Variants in MIA3 observed in about 807,000 individuals in gnomAD.
The protein encoded by MIA3 is MIA SH3 domain ER export factor 3.
In MIA3, 90 loss-of-function variants were observed where a neutral mutation model predicts 192.4. The observed-to-expected ratio is 0.47, with a 90% CI of 0.39 to 0.56. MIA3 has a LOEUF of 0.56. Among genes scored for constraint, MIA3 ranks in the 20% least tolerant of loss-of-function variants. MIA3 has a pLI of 0.00. For synonymous variants in MIA3, 740 were observed against 792.8 expected (o/e 0.93, Z 1.12); for missense variants, 2,123 against 2,269.4 (o/e 0.94, Z 1.31).
At chr1:222,656,136 A>T (rs1663715059) in intron 18 of MIA3, among the ~76,000 whole-genome samples, 1 of 150,726 alleles carries the variant, frequency 6.6e-6, no homozygotes, top group East Asian at 1.9e-4. Context: ...TGCCCGGCTA[A>T]TTTTTTTTGT....
At chr1:222,644,014 G>A (rs1215460617) in intron 6 of MIA3, among the ~76,000 whole-genome samples, 1 of 152,206 alleles carries the variant, frequency 6.6e-6, no homozygotes, top group African/African-American at 2.4e-5. Flanking sequence ...GTGACAGGAA[G>A]GGCCAGCTCC....
chr1:222,621,171 G>A lies in MIA3; in HGVS notation c.146G>A (p.Arg49His), dbSNP rs558711082. 2.5e-5 allele frequency: 40 copies of A among 1,612,036 alleles called. No homozygotes were observed. Among genetic ancestry groups the A allele is most frequent in the Admixed American group, 1.0e-4 (6 of 59,528 alleles). The change falls in exon 2 of 28, where the codon CGC (arginine) becomes CAC (histidine). Residue 49 changes from arginine (R) to histidine (H), a missense_variant. Arg to His is a conservative substitution (Grantham distance 29). Transcript: ENST00000344922. ...ADDECSMLMY[R>H]GEALEDFTGP... ...TCTTTATATACAGTGTTAATGTACCGCGGTGAGGCTCTTGAAGATTTCACA... is the reference window on the plus strand; with the variant it reads ...TCTTTATATACAGTGTTAATGTACCACGGTGAGGCTCTTGAAGATTTCACA...
chr1:222,656,902 G>A (rs1558194859), intron 18 of MIA3, among the ~76,000 whole-genome samples: 2 of 152,148 alleles, frequency 1.3e-5, no homozygotes, highest in African/African-American at 4.8e-5. Context: ...CTAATCCTCT[G>A]CTGAAATGTG....
At chr1:222,644,110 C>G (rs1662997724) in intron 6 of MIA3, among the ~76,000 whole-genome samples, 1 of 152,236 alleles carries the variant, frequency 6.6e-6, no homozygotes. Flanking sequence ...CCTCATTACT[C>G]TGGGGCTCTT....
Position 222,632,241 on chromosome 1 carries a change from C to T in MIA3, c.3246C>T (p.Pro1082=). The change falls in exon 5 of 28, where the codon CCC becomes CCT. Residue 1082 remains proline, a synonymous_variant. Coordinates refer to ENST00000344922, the MANE Select transcript of MIA3 (RefSeq NM_198551.4). ...AELNVQVPEE[P]THLDQRVIGD... ...TTAATGTGCAGGTTCCTGAAGAACC[C>T]ACCCACTTGGACCAACGTGTGATTG... is the stretch of plus-strand genomic sequence containing the variant. 1 of 1,614,124 alleles carries T rather than the reference C, an allele frequency of 6.2e-7. No homozygotes were observed. The highest frequency in any genetic ancestry group is 8.5e-7 in the Non-Finnish European group (1 of 1,179,988).
chr1:222,665,073 C>T, intron 27 of MIA3: 2 of 519,740 alleles, frequency 3.8e-6, no homozygotes, highest in Non-Finnish European at 6.9e-6. Flanking sequence ...GTGGCGTGCA[C>T]CTGTAGTCCC....
In MIA3 at chr1:222,652,322, A is replaced by G. The variant is rs773140171; in HGVS notation, c.4076A>G (p.Lys1359Arg). Residue 1359 changes from lysine (K) to arginine (R), a missense_variant, in exon 13 of 28, where the codon AAA (lysine) becomes AGA (arginine). Physicochemically the swap from Lys to Arg is conservative, Grantham distance 26. Coordinates refer to ENST00000344922, the MANE Select transcript of MIA3 (RefSeq NM_198551.4). Reference protein sequence around the residue: ...VQEENARLKKKKEQLQQEIED... With the variant: ...VQEENARLKKRKEQLQQEIED... ...GAAGAAAATGCTAGGCTTAAGAAGA[A>G]AAAAGAGCAGGTAAAGGAAAGTGCG... 6.2e-7 allele frequency: 1 copy of G among 1,612,092 alleles called. No homozygotes were observed.
chr1:222,625,748 T>A (rs1376920053), intron 3 of MIA3, among the ~76,000 whole-genome samples: 1 of 152,150 alleles, frequency 6.6e-6, no homozygotes, highest in Non-Finnish European at 1.5e-5. Context: ...CTGATTATTA[T>A]TTTTTTGAGA....
chr1:222,662,689 C>T (rs899155925), intron 26 of MIA3, among the ~76,000 whole-genome samples: 1 of 152,132 alleles, frequency 6.6e-6, no homozygotes, highest in Non-Finnish European at 1.5e-5. Context: ...TGTAGAGCAT[C>T]TGCTGTAACT....
At position 222,628,419 on chromosome 1, in the gene MIA3, C is replaced by A. The variant is rs199626793; in HGVS notation, c.1199C>A (p.Thr400Lys). The A allele has an allele frequency of 4.3e-6, 7 of 1,613,802 alleles. No individual in the cohort carries two copies. Among genetic ancestry groups the A allele is most frequent in the Non-Finnish European group, 5.9e-6 (7 of 1,179,934 alleles). The change falls in exon 4 of 28, where the codon ACG (threonine) becomes AAG (lysine). Residue 400 changes from threonine (T) to lysine (K), a missense_variant. By Grantham distance (78) the Thr-to-Lys change is moderately conservative. Coordinates refer to ENST00000344922, the MANE Select transcript of MIA3 (RefSeq NM_198551.4). ...ACAGGAGGTGAAGAAACAAGAGATA[C>A]GATGGATTTAGAGAGCTCTAGTTCA... ...IVTGGEETRD[T>K]MDLESSSSEE... is the part of the protein sequence containing the mutation.
In MIA3 at chr1:222,632,316, C is replaced by G; in HGVS notation, c.3321C>G (p.Asp1107Glu). 6.2e-7 allele frequency: 1 copy of G among 1,612,572 alleles called. No individual in the cohort carries two copies. Among genetic ancestry groups the G allele is most frequent in the Non-Finnish European group, 8.5e-7 (1 of 1,179,504 alleles). Residue 1107 changes from aspartate (D) to glutamate (E), a missense_variant, in exon 5 of 28, where the codon GAC becomes GAG. By Grantham distance (45) the Asp-to-Glu change is conservative. Transcript: ENST00000344922. ...EVSQKPNTEK[D>E]LDPGPVTTED... is the part of the protein sequence containing the mutation. ...CACAGAAGCCAAATACTGAGAAAGA[C>G]CTGGACCCAGGTAAAGCCTGCTAAT...
At chr1:222,636,141 AT>A (rs1313434393) in intron 6 of MIA3, among the ~76,000 whole-genome samples, 1 of 152,214 alleles carries the variant, frequency 6.6e-6, no homozygotes, top group African/African-American at 2.4e-5. Flanking sequence ...TGAAACTTCC[AT>A]TTGACCACAC....
rs1274810172 is a variant in MIA3, at chr1:222,654,747, G to A, written c.4561G>A (p.Glu1521Lys). The change falls in exon 18 of 28, where the codon GAG becomes AAG. Residue 1521 changes from glutamate (E) to lysine (K), a missense_variant. Physicochemically the swap from Glu to Lys is moderately conservative, Grantham distance 56. Around this residue, in one of 3 missense-constraint regions of MIA3, gnomAD observed 762 missense variants for 856.4 expected, o/e 0.89. Transcript: ENST00000344922. Reference sequence around the variant, plus strand: ...ATGCAAAACCTTGAGGCAGAAAGTGGAGATTCTGAATGAGCTCTATCAGCA... The same window carrying A: ...ATGCAAAACCTTGAGGCAGAAAGTGAAGATTCTGAATGAGCTCTATCAGCA... ...DECKTLRQKVEILNELYQQKE... is the reference protein window; with the variant it reads ...DECKTLRQKVKILNELYQQKE... 1 of 1,614,148 alleles carries A rather than the reference G, an allele frequency of 6.2e-7. No homozygotes were observed. The highest frequency in any genetic ancestry group is 2.2e-5 in the East Asian group (1 of 44,874).
At position 222,620,580 on chromosome 1, in the gene MIA3, A is replaced by G. The variant is rs553186645; in HGVS notation, c.134-579A>G. Among the ~76,000 whole-genome samples, 343 of 152,356 alleles carry G rather than the reference A, an allele frequency of 2.3e-3. 4 individuals carry two copies. The highest frequency in any genetic ancestry group is 1.2e-3 in the Non-Finnish European group (84 of 68,028). ...CATTAATTTATCCAGACACTGTACTAAGGGAACAACTTGGCTGCAAATGAA... is the reference window on the plus strand; with the variant it reads ...CATTAATTTATCCAGACACTGTACTGAGGGAACAACTTGGCTGCAAATGAA... On this transcript the variant is annotated intron_variant, in intron 1 of 27. Coordinates refer to ENST00000344922, the MANE Select transcript of MIA3 (RefSeq NM_198551.4).
At chr1:222,619,053 CCTCTT>C (rs1473632854) in intron 1 of MIA3, among the ~76,000 whole-genome samples, 1 of 152,202 alleles carries the variant, frequency 6.6e-6, no homozygotes, top group Non-Finnish European at 1.5e-5. Flanking sequence ...CCGGCAGCCT[CCTCTT>C]CTGTGCGCAG....
In MIA3 at chr1:222,621,172, C is replaced by T. The variant is rs570498947; in HGVS notation, c.147C>T (p.Arg49=). The change falls in exon 2 of 28, where the codon CGC becomes CGT. Residue 49 remains arginine, a synonymous_variant. Coordinates refer to ENST00000344922, the MANE Select transcript of MIA3 (RefSeq NM_198551.4). ...CTTTATATACAGTGTTAATGTACCG[C>T]GGTGAGGCTCTTGAAGATTTCACAG... ...ADDECSMLMY[R]GEALEDFTGP... 33 of 1,612,186 alleles carry T rather than the reference C, an allele frequency of 2.0e-5. No individual in the cohort carries two copies. In the East Asian group the frequency reaches 4.0e-4, roughly 20 times the overall value.
chr1:222,661,828 A>G (rs1276625814), intron 24 of MIA3, among the ~76,000 whole-genome samples: 2 of 152,342 alleles, frequency 1.3e-5, no homozygotes, highest in Admixed American at 6.5e-5. Flanking sequence ...AGCTTGAAGT[A>G]TAGAACCAGA....
At chr1:222,650,268 C>T (rs749133780) in intron 8 of MIA3, 24 bp from the exon 9 acceptor site, 12 of 1,347,728 alleles carry the variant, frequency 8.9e-6, no homozygotes, top group Non-Finnish European at 1.2e-5. Context: ...TCATAATAAC[C>T]TTATTATTTT....
chr1:222,629,924 G>A lies in MIA3; in HGVS notation c.2704G>A (p.Asp902Asn). 1.2e-6 allele frequency: 2 copies of A among 1,614,096 alleles called. No individual in the cohort carries two copies. The highest frequency in any genetic ancestry group is 1.7e-6 in the Non-Finnish European group (2 of 1,180,032). Residue 902 changes from aspartate (D) to asparagine (N), a missense_variant, in exon 4 of 28, where the codon GAC becomes AAC. By Grantham distance (23) the Asp-to-Asn change is conservative. Transcript: ENST00000344922. ...GTCTGCTGCTGCAGAACCTGAAGATGACTCGTTCCACTGGACTCCACATAC... is the reference window on the plus strand; with the variant it reads ...GTCTGCTGCTGCAGAACCTGAAGATAACTCGTTCCACTGGACTCCACATAC... ...QGSAAAEPED[D>N]SFHWTPHTSV...
Sources: gnomAD v4.1 joint callset for allele counts (sites outside exome capture counted in the v4.1 genomes callset) on GRCh38, gnomAD v4.1.1 for gene constraint, gnomAD v4.1.1 regional missense constraint, MANE v1.5 for transcripts, NCBI Gene and HGNC (gene_info 2026-07-23, HGNC 2026-07-21) for gene names.